Variants in ANO3 observed in about 807,000 individuals in gnomAD.
ANO3 encodes anoctamin 3.
A neutral mutation model predicts 144.8 loss-of-function variants in ANO3; 99 were observed. The observed-to-expected ratio is 0.68, with a 90% CI of 0.58 to 0.81. The LOEUF (loss-of-function observed/expected upper bound fraction) is 0.81. Ranked by LOEUF, ANO3 falls within the 30% of genes least tolerant of loss-of-function variation. The pLI, the probability that ANO3 is intolerant of heterozygous loss-of-function variation, is 0.00. For missense variants in ANO3, 905 were observed against 1,202.2 expected, an observed-to-expected ratio of 0.75 and a Z score of 3.66; for synonymous variants, 414 against 392.6, an observed-to-expected ratio of 1.05 and a Z score of -0.64.
intron 1 of ANO3, among the ~76,000 whole-genome samples, chr11:26,285,027 T>G (rs897242502): frequency 6.6e-6 from 1 of 152,242 alleles, no homozygotes; most frequent in Non-Finnish European, 1.5e-5. Context: ...AACTATTTTG[T>G]TAAAACCGCC....
At chr11:26,467,598 C>A (rs1859643454) in intron 4 of ANO3, among the ~76,000 whole-genome samples, 1 of 151,590 alleles carries the variant, frequency 6.6e-6, no homozygotes, top group Admixed American at 6.6e-5. Context: ...CATAGTGTTG[C>A]AAATGACAGG....
chr11:26,251,653 A>T (rs772692764), intron 1 of ANO3, among the ~76,000 whole-genome samples: 12 of 152,228 alleles, frequency 7.9e-5, no homozygotes, highest in Admixed American at 1.3e-4. Context: ...TGGGTAATTT[A>T]TAAAGAAAAG....
intron 4 of ANO3, among the ~76,000 whole-genome samples, chr11:26,465,862 C>A (rs866104916): frequency 1.7e-4 from 26 of 151,878 alleles, no homozygotes; most frequent in Middle Eastern, 3.2e-3. Flanking sequence ...TACATATGCA[C>A]TGTTTGTAAT....
chr11:26,459,599 C>T (rs1350122626), intron 3 of ANO3, among the ~76,000 whole-genome samples: 5 of 151,940 alleles, frequency 3.3e-5, no homozygotes, highest in Non-Finnish European at 5.9e-5. Context: ...TGTACACACA[C>T]ACACACATAC....
intron 11 of ANO3, among the ~76,000 whole-genome samples, chr11:26,544,432 G>C (rs569971417): frequency 6.7e-4 from 101 of 150,968 alleles, no homozygotes; most frequent in Non-Finnish European, 1.3e-3. Flanking sequence ...CCGAAGGCTA[G>C]GGGTGGAGAG....
chr11:26,512,502 T>A (rs1049892937), intron 5 of ANO3, among the ~76,000 whole-genome samples: 1 of 152,156 alleles, frequency 6.6e-6, no homozygotes, highest in Admixed American at 6.5e-5. Context: ...AAAATGAAAC[T>A]ACATTTCTTT....
chr11:26,429,218 G>A (rs1858007411), intron 1 of ANO3, among the ~76,000 whole-genome samples: 2 of 152,158 alleles, frequency 1.3e-5, no homozygotes, highest in South Asian at 4.1e-4. Context: ...CATGCACTGT[G>A]GGAAACCAAC....
At chr11:26,254,598 T>C (rs1229904388) in intron 1 of ANO3, among the ~76,000 whole-genome samples, 1 of 152,172 alleles carries the variant, frequency 6.6e-6, no homozygotes, top group Non-Finnish European at 1.5e-5. Flanking sequence ...TCCACTACGC[T>C]TATGCATTTT....
chr11:26,332,584 C>T lies in ANO3; in HGVS notation c.46+263C>T, dbSNP rs563557098. 1.8e-4 allele frequency among the ~76,000 whole-genome samples: 28 copies of T among 151,706 alleles called. No individual in the cohort carries two copies. In the East Asian group the frequency reaches 5.2e-3, roughly 28 times the overall value. ...ATGTATATCTCTGTGAAGACTGTTT[C>T]AATGCACTGCAGTAAACCCGCTTAG... On this transcript the variant is annotated intron_variant, in intron 1 of 26. Coordinates refer to ENST00000256737, the MANE Select transcript of ANO3 (RefSeq NM_031418.4).
At chr11:26,321,349 A>C (rs1175442267) in intron 1 of ANO3, among the ~76,000 whole-genome samples, 1 of 152,052 alleles carries the variant, frequency 6.6e-6, no homozygotes, top group Non-Finnish European at 1.5e-5. Flanking sequence ...ACAAACTAGA[A>C]TTTATTTAAC....
At chr11:26,633,489 G>A (rs1330505626) in intron 18 of ANO3, among the ~76,000 whole-genome samples, 4 of 151,910 alleles carry the variant, frequency 2.6e-5, no homozygotes, top group African/African-American at 7.3e-5. Flanking sequence ...TTCCACTTCC[G>A]TCTGTACACA....
At chr11:26,325,460 C>T (rs1438110224) in intron 1 of ANO3, among the ~76,000 whole-genome samples, 2 of 152,028 alleles carry the variant, frequency 1.3e-5, no homozygotes, top group Non-Finnish European at 2.9e-5. Flanking sequence ...ATTAACTATT[C>T]AGTGATATTA....
intron 14 of ANO3, chr11:26,563,161 C>T: frequency 6.2e-7 from 1 of 1,612,142 alleles, no homozygotes; most frequent in African/African-American, 1.3e-5. Flanking sequence ...GAAAATGAAT[C>T]CGTTTTCCTT....
At chr11:26,321,751 A>G (rs1385979414) in intron 1 of ANO3, among the ~76,000 whole-genome samples, 1 of 151,930 alleles carries the variant, frequency 6.6e-6, no homozygotes, top group East Asian at 1.9e-4. Context: ...TTTCCCTTCA[A>G]TTATATTTTA....
intron 1 of ANO3, among the ~76,000 whole-genome samples, chr11:26,437,432 TG>T (rs1858334595): frequency 6.6e-6 from 1 of 152,224 alleles, no homozygotes; most frequent in Admixed American, 6.5e-5. Context: ...ATTCACTCAC[TG>T]CTTCCCTGAG....
intron 18 of ANO3, among the ~76,000 whole-genome samples, chr11:26,631,222 G>A (rs1222813601): frequency 6.7e-6 from 1 of 148,578 alleles, no homozygotes; most frequent in East Asian, 1.9e-4. Flanking sequence ...CTTCATAAAT[G>A]TTAGTCAATA....
At chr11:26,327,332 A>G (rs1854910691), upstream of ANO3, among the ~76,000 whole-genome samples, 1 of 152,198 alleles carries the variant, frequency 6.6e-6, no homozygotes, top group Non-Finnish European at 1.5e-5. Context: ...TGGTAGAAAC[A>G]TTATGAAAAT....
At chr11:26,439,763 T>G (rs1418024985) in intron 1 of ANO3, among the ~76,000 whole-genome samples, 1 of 152,192 alleles carries the variant, frequency 6.6e-6, no homozygotes, top group Non-Finnish European at 1.5e-5. Flanking sequence ...AAACTATTTT[T>G]ATACATAGTT....
intron 14 of ANO3, among the ~76,000 whole-genome samples, chr11:26,563,970 T>A (rs1444481848): frequency 6.6e-6 from 1 of 151,872 alleles, no homozygotes; most frequent in African/African-American, 2.4e-5. Context: ...TCTTTTTTTC[T>A]TCTCTTTTTT....
Sources: allele counts gnomAD v4.1 joint callset (sites outside exome capture counted in the v4.1 genomes callset), GRCh38; gene constraint gnomAD v4.1.1; transcripts MANE v1.5; gene names NCBI Gene and HGNC (gene_info 2026-07-23, HGNC 2026-07-21).